MRPL1: variants seen among roughly 807,000 people sequenced by gnomAD.
MRPL1 encodes large ribosomal subunit protein uL1m.
In MRPL1, 28 loss-of-function variants were observed where a neutral mutation model predicts 38.0. That is an observed-to-expected ratio of 0.74 (90% CI 0.55 to 1.01). The LOEUF is 1.01. MRPL1 is among the 50% of genes least tolerant of loss of function. The probability of loss-of-function intolerance (pLI) is 0.00; values close to 1 mark genes in which losing one functional copy is unlikely to be tolerated. For missense variants in MRPL1, 358 were observed against 389.8 expected, an observed-to-expected ratio of 0.92 and a Z score of 0.69; for synonymous variants, 123 against 126.7, an observed-to-expected ratio of 0.97 and a Z score of 0.20.
chr4:77,880,484 G>A (rs1349990806), intron 2 of MRPL1, among the ~76,000 whole-genome samples: 6 of 145,142 alleles, frequency 4.1e-5, no homozygotes, highest in East Asian at 2.0e-4. Context: ...ACCTTATCTC[G>A]TCTGCAAGGT....
At chr4:77,874,176 C>T (rs1486828797) in intron 2 of MRPL1, among the ~76,000 whole-genome samples, 6 of 151,930 alleles carry the variant, frequency 3.9e-5, no homozygotes, top group African/African-American at 1.2e-4. Context: ...TTAGTAGAGA[C>T]GGGGTTTCAC....
chr4:77,942,474 C>G (rs952495024), intron 7 of MRPL1, among the ~76,000 whole-genome samples: 3 of 151,992 alleles, frequency 2.0e-5, no homozygotes, highest in Non-Finnish European at 4.4e-5. Flanking sequence ...TGAAATCTGC[C>G]ACTATTATTG....
chr4:77,889,251 T>A (rs1214770182), intron 5 of MRPL1, among the ~76,000 whole-genome samples: 3 of 152,142 alleles, frequency 2.0e-5, no homozygotes, highest in Non-Finnish European at 4.4e-5. Flanking sequence ...CCTCAGCAAA[T>A]GTAAAAGAAC....
intron 2 of MRPL1, among the ~76,000 whole-genome samples, chr4:77,882,595 A>C (rs190749082): frequency 6.6e-6 from 1 of 152,186 alleles, no homozygotes; most frequent in African/African-American, 2.4e-5. Context: ...GGCTTTTGTG[A>C]CTGGCTTCTT....
intron 7 of MRPL1, among the ~76,000 whole-genome samples, chr4:77,930,271 C>T (rs1333835182): frequency 6.6e-6 from 1 of 152,136 alleles, no homozygotes; most frequent in African/African-American, 2.4e-5. Context: ...GGGCTATGGA[C>T]TGATAATGGT....
At chr4:77,895,523 A>T (rs1735893734) in intron 6 of MRPL1, among the ~76,000 whole-genome samples, 1 of 152,134 alleles carries the variant, frequency 6.6e-6, no homozygotes, top group Non-Finnish European at 1.5e-5. Flanking sequence ...GATGTCTGGT[A>T]TATTATTATT....
intron 7 of MRPL1, among the ~76,000 whole-genome samples, chr4:77,939,529 A>G (rs1737069124): frequency 6.6e-6 from 1 of 152,158 alleles, no homozygotes; most frequent in Non-Finnish European, 1.5e-5. Context: ...GCTGCGCAGA[A>G]GCTTTTTAGT....
intron 7 of MRPL1, among the ~76,000 whole-genome samples, chr4:77,945,166 TTATTAC>T (rs779984173): frequency 0.059 from 6,541 of 110,270 alleles, 162 homozygotes; most frequent in African/African-American, 0.1. Context: ...ATTATTATTA[TTATTAC>T]TACTACTACT....
chr4:77,941,160 G>A (rs1476389338), intron 7 of MRPL1, among the ~76,000 whole-genome samples: 1 of 152,048 alleles, frequency 6.6e-6, no homozygotes, highest in East Asian at 1.9e-4. Context: ...AGCTACTTGG[G>A]AGGTTGAGGC....
At position 77,927,169 on chromosome 4, in the gene MRPL1, C is replaced by G. The variant is rs573711961; in HGVS notation, c.777+17797C>G. 2.3e-3 allele frequency among the ~76,000 whole-genome samples: 343 copies of G among 152,212 alleles called. 1 individual carries two copies. Among genetic ancestry groups the G allele is most frequent in the Middle Eastern group, 0.014 (4 of 294 alleles). ...ATGTGAATTAGTGGGAAGTGTGTCT[C>G]ACAGAATAGTTTTTCAATGACATGC... On this transcript the variant is annotated intron_variant, in intron 7 of 8. Transcript: ENST00000315567.
chr4:77,869,576 T>G (rs770124842), intron 1 of MRPL1, among the ~76,000 whole-genome samples: 10 of 147,996 alleles, frequency 6.8e-5, no homozygotes, highest in Non-Finnish European at 1.5e-4. Context: ...CTTGCTTGCT[T>G]TTTGTTGTTT....
chr4:77,903,784 G>A (rs113370733), intron 6 of MRPL1, among the ~76,000 whole-genome samples: 1 of 151,974 alleles, frequency 6.6e-6, no homozygotes, highest in African/African-American at 2.4e-5. Context: ...AGTTAATAGA[G>A]GGATATACCA....
intron 1 of MRPL1, among the ~76,000 whole-genome samples, chr4:77,867,053 T>C (rs769501397): frequency 7.2e-5 from 11 of 151,986 alleles, no homozygotes; most frequent in Non-Finnish European, 1.6e-4. Context: ...GCCTCAAATG[T>C]CACCCTTTTA....
chr4:77,902,385 TAAAA>T (rs552547011), intron 6 of MRPL1, among the ~76,000 whole-genome samples: 25 of 95,152 alleles, frequency 2.6e-4, no homozygotes, highest in Admixed American at 1.1e-3. Flanking sequence ...ACCGGCTTTC[TAAAA>T]AAAAAAAAAA....
chr4:77,937,991 A>G (rs561934177), intron 7 of MRPL1, among the ~76,000 whole-genome samples: 149 of 152,314 alleles, frequency 9.8e-4, no homozygotes, highest in African/African-American at 3.2e-3. Context: ...CTTTCTTTAA[A>G]AAAACAAAAC....
intron 7 of MRPL1, among the ~76,000 whole-genome samples, chr4:77,948,647 G>T (rs1737330251): frequency 6.6e-6 from 1 of 152,132 alleles, no homozygotes; most frequent in South Asian, 2.1e-4. Flanking sequence ...CTTATGCGGG[G>T]CACATTTCTC....
intron 2 of MRPL1, among the ~76,000 whole-genome samples, chr4:77,877,850 G>A (rs976950211): frequency 2.0e-5 from 3 of 150,704 alleles, no homozygotes; most frequent in African/African-American, 7.3e-5. Context: ...CCCTTCCATC[G>A]TTAGACACAG....
intron 6 of MRPL1, among the ~76,000 whole-genome samples, chr4:77,898,392 T>C (rs1735964243): frequency 6.6e-6 from 1 of 150,844 alleles, no homozygotes; most frequent in Non-Finnish European, 1.5e-5. Flanking sequence ...CTACAAATAT[T>C]TGAATGAATG....
At chr4:77,874,131 C>A (rs974966164) in intron 2 of MRPL1, among the ~76,000 whole-genome samples, 9 of 151,374 alleles carry the variant, frequency 5.9e-5, no homozygotes, top group African/African-American at 2.2e-4. Context: ...CCTAAGTAGG[C>A]GCCTGCCACC....
Sources: gnomAD v4.1 joint callset for allele counts (sites outside exome capture counted in the v4.1 genomes callset) on GRCh38, gnomAD v4.1.1 for gene constraint, MANE v1.5 for transcripts, NCBI Gene and HGNC (gene_info 2026-07-23, HGNC 2026-07-21) for gene names.